Variants in STON1 observed in about 807,000 individuals in gnomAD.
The protein encoded by STON1 is stonin-1.
In STON1, 79 loss-of-function variants were observed where a neutral mutation model predicts 60.9. The ratio of observed to expected loss-of-function variants is 1.30; its 90% CI spans 1.08 to 1.56. The LOEUF (loss-of-function observed/expected upper bound fraction) is 1.56, where lower values mean the gene tolerates loss of function less well. Ranked by LOEUF, STON1 falls within the 40% of genes most tolerant of loss-of-function variation. STON1 has a pLI of 0.00. For missense variants in STON1, 1,166 were observed against 858.9 expected (o/e 1.36, Z -4.47); for synonymous variants, 363 against 306.9 (o/e 1.18, Z -1.91).
chr2:48,555,314 G>GGC (rs1672284381), intron 1 of STON1, among the ~76,000 whole-genome samples: 1 of 39,838 alleles, frequency 2.5e-5, no homozygotes, highest in Admixed American at 2.2e-4. Flanking sequence ...TGGCCGGGCG[G>GGC]GGGGGGCTGA....
At chr2:48,561,392 A>G (rs1323678456) in intron 1 of STON1, among the ~76,000 whole-genome samples, 1 of 152,138 alleles carries the variant, frequency 6.6e-6, no homozygotes, top group Non-Finnish European at 1.5e-5. Flanking sequence ...AAGTCAGTAT[A>G]CTATAGGGCA....
chr2:48,581,335 A>C lies in STON1; in HGVS notation c.702A>C (p.Glu234Asp), dbSNP rs778125678. 3.2e-5 allele frequency: 49 copies of C among 1,538,294 alleles called. No homozygotes were observed. The highest frequency in any genetic ancestry group is 4.2e-5 in the Admixed American group (2 of 47,692). ...TCAACTATATCTGTGAGAAGCTTGAACATCTCCAGTCAGCTGAGAACCAAG... is the reference window on the plus strand; with the variant it reads ...TCAACTATATCTGTGAGAAGCTTGACCATCTCCAGTCAGCTGAGAACCAAG... The part of the protein sequence containing the change: ...CSLNYICEKL[E>D]HLQSAENQDS... The change falls in exon 2 of 4, where the codon GAA (glutamate) becomes GAC (aspartate). Residue 234 changes from glutamate (E) to aspartate (D), a missense_variant. Coordinates refer to ENST00000404752, the MANE Select transcript of STON1 (RefSeq NM_006873.4).
At chr2:48,558,300 A>G (rs1672468223) in intron 1 of STON1, among the ~76,000 whole-genome samples, 1 of 152,224 alleles carries the variant, frequency 6.6e-6, no homozygotes, top group South Asian at 2.1e-4. Context: ...ACACATATAT[A>G]TCAATGGAAT....
At chr2:48,594,600 A>C (rs939051166) in intron 3 of STON1, among the ~76,000 whole-genome samples, 18 of 152,194 alleles carry the variant, frequency 1.2e-4, no homozygotes, top group Non-Finnish European at 1.2e-4. Context: ...ACTAATAACA[A>C]ATTCCAAGAA....
intron 1 of STON1, among the ~76,000 whole-genome samples, chr2:48,550,703 C>T (rs1010992731): frequency 1.3e-5 from 2 of 151,500 alleles, no homozygotes; most frequent in Admixed American, 1.3e-4. Context: ...CTGGTTAGCT[C>T]AAAGTCCAAA....
chr2:48,537,021 A>G (rs190383138), intron 1 of STON1, among the ~76,000 whole-genome samples: 5 of 152,332 alleles, frequency 3.3e-5, no homozygotes, highest in Admixed American at 3.3e-4. Context: ...TAGTCTGCAT[A>G]TAGATAATTC....
chr2:48,537,345 T>A (rs1261289152), intron 1 of STON1, among the ~76,000 whole-genome samples: 1 of 152,252 alleles, frequency 6.6e-6, no homozygotes, highest in Non-Finnish European at 1.5e-5. Context: ...ATATTTTACT[T>A]AATGCTTTAA....
intron 1 of STON1, among the ~76,000 whole-genome samples, chr2:48,532,367 TA>T (rs1671248583): frequency 7.0e-6 from 1 of 142,936 alleles, no homozygotes; most frequent in Non-Finnish European, 1.5e-5. Context: ...AATAAATAAA[TA>T]AATAAATAAA....
At chr2:48,571,648 A>AC (rs1488782407) in intron 1 of STON1, among the ~76,000 whole-genome samples, 1 of 152,150 alleles carries the variant, frequency 6.6e-6, no homozygotes, top group Non-Finnish European at 1.5e-5. Context: ...TCTCTCGGAG[A>AC]CCCAATAGGC....
At chr2:48,553,335 T>C (rs2103795735) in intron 1 of STON1, among the ~76,000 whole-genome samples, 1 of 152,030 alleles carries the variant, frequency 6.6e-6, no homozygotes, top group East Asian at 1.9e-4. Flanking sequence ...AGGGGGCAAA[T>C]ACCTCTCTGT....
intron 1 of STON1, among the ~76,000 whole-genome samples, chr2:48,561,636 G>T (rs569552126): frequency 6.6e-6 from 1 of 152,106 alleles, no homozygotes; most frequent in Non-Finnish European, 1.5e-5. Flanking sequence ...AGCATCTCTG[G>T]CCCCTACTTA....
intron 1 of STON1, among the ~76,000 whole-genome samples, chr2:48,565,081 C>G (rs571307615): frequency 7.5e-6 from 1 of 132,616 alleles, no homozygotes; most frequent in Admixed American, 8.2e-5. Context: ...AAGAAGGAGT[C>G]TCGCTCTGTC....
intron 1 of STON1, among the ~76,000 whole-genome samples, chr2:48,563,044 G>T (rs868231638): frequency 6.6e-6 from 1 of 152,356 alleles, no homozygotes; most frequent in Middle Eastern, 3.4e-3. Context: ...GTTCCCAGAG[G>T]CCTGTGAAGG....
chr2:48,580,624 G>A lies in STON1; in HGVS notation c.-10G>A. On this transcript the variant is annotated 5_prime_UTR_variant, in exon 2 of 4. Transcript: ENST00000404752. ...TGATTTCTTGACAAGACCACAATCTGATCCCAAAGATGTGCTCCACAAATC... is the reference window on the plus strand; with the variant it reads ...TGATTTCTTGACAAGACCACAATCTAATCCCAAAGATGTGCTCCACAAATC... The A allele has an allele frequency of 1.5e-6, 2 of 1,344,876 alleles. No homozygotes were observed. The highest frequency in any genetic ancestry group is 1.9e-6 in the Non-Finnish European group (2 of 1,041,056). 83.3% of individuals were successfully genotyped at this position (1,344,876 alleles called of 1,614,324 possible).
chr2:48,535,233 A>AG (rs766316884), intron 1 of STON1, among the ~76,000 whole-genome samples: 11 of 152,158 alleles, frequency 7.2e-5, no homozygotes, highest in Middle Eastern at 3.4e-3. Context: ...AATAAGAAAG[A>AG]GAAAAAAAAA....
rs117311801 is a variant in STON1 at position 48,559,509 on chromosome 2, G to A, written c.-47-21078G>A. Among the ~76,000 whole-genome samples, 131 of 152,032 alleles carry A rather than the reference G, an allele frequency of 8.6e-4. 2 individuals are homozygous for A. In the East Asian group the frequency reaches 0.022, roughly 26 times the overall value. ...CTTATGACCTAATCACCTCCCAAAG[G>A]GCCCACCTCTTGTTACTGTCACATT... On this transcript the variant is annotated intron_variant, in intron 1 of 3. Transcript: ENST00000404752.
Position 48,582,029 on chromosome 2 carries a change from C to G in STON1, c.1396C>G (p.Arg466Gly). Residue 466 changes from arginine to glycine, a missense_variant, in exon 2 of 4, where the codon CGA becomes GGA. Physicochemically the swap from Arg to Gly is moderately radical, Grantham distance 125 (BLOSUM62 -2). Transcript: ENST00000404752. Reference sequence around the variant, plus strand: ...CTTGAATGACCTTGAGTTGCCGAAGCGAGATGAATCCTATTATGAGAAGGA... The same window carrying G: ...CTTGAATGACCTTGAGTTGCCGAAGGGAGATGAATCCTATTATGAGAAGGA... Reference protein sequence around the residue: ...LTLNDLELPKRDESYYEKDSE... With the variant: ...LTLNDLELPKGDESYYEKDSE... 1.2e-6 allele frequency: 2 copies of G among 1,613,950 alleles called. No homozygotes were observed. Among genetic ancestry groups the G allele is most frequent in the Non-Finnish European group, 1.7e-6 (2 of 1,180,002 alleles).
chr2:48,564,563 T>TCTTTCTTCTTCTC lies in STON1; in HGVS notation c.-47-16021_-47-16020insTCTTCTTCTCCTT, dbSNP rs1672829864. ...TTCTTCTTCTTCTTCTTCTTCTTCT[T>TCTTTCTTCTTCTC]CTTCTCCTTCTCCTTCTCCTCCTCC... On this transcript the variant is annotated intron_variant, in intron 1 of 3. Coordinates refer to ENST00000404752, the MANE Select transcript of STON1 (RefSeq NM_006873.4). 1.4e-4 allele frequency among the ~76,000 whole-genome samples: 4 copies of TCTTTCTTCTTCTC among 28,368 alleles called. 1 individual carries two copies. Among genetic ancestry groups the TCTTTCTTCTTCTC allele is most frequent in the Non-Finnish European group, 2.4e-4 (4 of 16,410 alleles). The allele number at this position is 28,368 out of a possible 152,430, so 18.6% of individuals were successfully genotyped here. A position where few individuals can be genotyped will look rare whatever the true frequency, so the allele number is the denominator to read the frequency against.
chr2:48,580,379 A>T (rs536260755), intron 1 of STON1, among the ~76,000 whole-genome samples: 44 of 152,000 alleles, frequency 2.9e-4, no homozygotes, highest in African/African-American at 1.0e-3. Context: ...ATGTTTTTTC[A>T]TCCTTTCACT....
Sources: allele counts gnomAD v4.1 joint callset (sites outside exome capture counted in the v4.1 genomes callset), GRCh38; gene constraint gnomAD v4.1.1; transcripts MANE v1.5; gene names NCBI Gene and HGNC (gene_info 2026-07-23, HGNC 2026-07-21).